The following ICA1 variants were observed in gnomAD, a reference collection of about 807,000 sequenced individuals.
ICA1 encodes the protein islet cell autoantigen 1.
In ICA1, 40 loss-of-function variants were observed where a neutral mutation model predicts 71.0. That is an observed-to-expected ratio of 0.56 (90% confidence interval 0.44 to 0.73). The LOEUF (loss-of-function observed/expected upper bound fraction) is 0.73, where lower values mean the gene tolerates loss of function less well. Ranked by LOEUF, ICA1 falls within the 30% of genes least tolerant of loss-of-function variation. The pLI is 0.00. For synonymous variants in ICA1, 207 were observed against 209.5 expected, an observed-to-expected ratio of 0.99 and a Z score of 0.10; for missense variants, 578 against 576.5, an observed-to-expected ratio of 1.00 and a Z score of -0.03.
rs1211129210 is a variant in ICA1, at chr7:8,208,788, T to C, written c.579+9517A>G. On this transcript the variant is annotated intron_variant, in intron 6 of 13. Coordinates refer to ENST00000402384, the MANE Select transcript of ICA1 (RefSeq NM_001136020.3). ...ACAGAGGCCAGCGGAACAGTCAGTG[T>C]TGGGTGGGGGTAGGGGGAGTTGTCA... Among the ~76,000 whole-genome samples the C allele has an allele frequency of 2.0e-5, 3 of 152,274 alleles. No individual in the cohort carries two copies. In the South Asian group the frequency reaches 6.2e-4, roughly 32 times the overall value.
intron 13 of ICA1, among the ~76,000 whole-genome samples, chr7:8,118,360 T>C (rs1239723451): frequency 2.6e-5 from 4 of 152,214 alleles, no homozygotes. Flanking sequence ...CAATCAAAAG[T>C]ACTAGGCTTG....
At position 8,223,761 on chromosome 7, in the gene ICA1, T is replaced by G. The variant is rs919643911; in HGVS notation, c.257-2363A>C. 6.6e-6 allele frequency among the ~76,000 whole-genome samples: 1 copy of G among 152,092 alleles called. No individual in the cohort carries two copies. The highest frequency in any genetic ancestry group is 6.6e-5 in the Admixed American group (1 of 15,246). On this transcript the variant is annotated intron_variant, in intron 4 of 13. Coordinates refer to ENST00000402384, the MANE Select transcript of ICA1 (RefSeq NM_001136020.3). The surrounding 1 kb of genome is among the most constrained non-coding windows in gnomAD (Gnocchi z 4.1). ...TGTGCAACATAGCAAGACCCCTGTC[T>G]CTATTACAAGAAGAAAGCAAAAACA...
intron 6 of ICA1, among the ~76,000 whole-genome samples, chr7:8,177,435 C>G (rs1780963207): frequency 6.6e-6 from 1 of 152,170 alleles, no homozygotes; most frequent in African/African-American, 2.4e-5. Flanking sequence ...CATTAGGTCA[C>G]AAGACTGAGC....
chr7:8,154,997 G>A lies in ICA1; in HGVS notation c.804+2119C>T, dbSNP rs115497890. On this transcript the variant is annotated intron_variant, in intron 8 of 13. Transcript: ENST00000402384. The stretch of plus-strand genomic sequence containing the variant: ...GACACTAAAAGTAATGGAAAAACCC[G>A]TAATTACTTTTGAACCAACCTGATA... 9.6e-3 allele frequency among the ~76,000 whole-genome samples: 1,459 copies of A among 152,202 alleles called. 10 individuals carry two copies. Among genetic ancestry groups the A allele is most frequent in the Middle Eastern group, 0.044 (13 of 294 alleles).
intron 6 of ICA1, among the ~76,000 whole-genome samples, chr7:8,172,736 T>C (rs1334409625): frequency 1.3e-5 from 2 of 152,192 alleles, no homozygotes; most frequent in African/African-American, 4.8e-5. Flanking sequence ...ATTTAGTACA[T>C]TCAATTTTCA....
chr7:8,214,249 C>T (rs1041247647), intron 6 of ICA1, among the ~76,000 whole-genome samples: 1 of 152,346 alleles, frequency 6.6e-6, no homozygotes, highest in Non-Finnish European at 1.5e-5. Context: ...GGAGGACTCT[C>T]TCAAGGGCAT....
rs1189926119 is a variant in ICA1 at position 8,173,893 on chromosome 7, A to T, written c.580-15241T>A. 6.6e-6 allele frequency among the ~76,000 whole-genome samples: 1 copy of T among 152,156 alleles called. No homozygotes were observed. The highest frequency in any genetic ancestry group is 1.5e-5 in the Non-Finnish European group (1 of 68,022). On this transcript the variant is annotated intron_variant, in intron 6 of 13. Transcript: ENST00000402384. The surrounding 1 kb of genome is among the most constrained non-coding windows in gnomAD (Gnocchi z 4.0). Reference sequence around the variant, plus strand: ...CAAAGTCTTTGCTTTCATGATGGTTATGTTGTAGTGGGTGAAACTGGACAA... The same window carrying T: ...CAAAGTCTTTGCTTTCATGATGGTTTTGTTGTAGTGGGTGAAACTGGACAA...
chr7:8,141,707 G>T, intron 10 of ICA1, 58 bp downstream of exon 10: 1 of 1,062,470 alleles, frequency 9.4e-7, no homozygotes, highest in Non-Finnish European at 1.4e-6. Context: ...AAAATGACTT[G>T]GCTGTTAAGC....
intron 13 of ICA1, among the ~76,000 whole-genome samples, chr7:8,121,093 G>A (rs987356457): frequency 2.0e-5 from 3 of 152,238 alleles, no homozygotes; most frequent in Non-Finnish European, 4.4e-5. Flanking sequence ...TCTTGTAGAT[G>A]AAACCAGGTA....
At chr7:8,211,396 C>T (rs953277024) in intron 6 of ICA1, among the ~76,000 whole-genome samples, 2 of 152,140 alleles carry the variant, frequency 1.3e-5, no homozygotes, top group African/African-American at 4.8e-5. Context: ...GGAGGCTTAG[C>T]GTGGTTAATG....
rs116492481 is a variant in ICA1 at position 8,146,627 on chromosome 7, T to G, written c.805-2655A>C. Reference sequence around the variant, plus strand: ...GGGGAAAATGATACAAAGGGCAGTGTCAGGACAAATGAGACAACTGGAATA... The same window carrying G: ...GGGGAAAATGATACAAAGGGCAGTGGCAGGACAAATGAGACAACTGGAATA... On this transcript the variant is annotated intron_variant, in intron 8 of 13. Coordinates refer to ENST00000402384, the MANE Select transcript of ICA1 (RefSeq NM_001136020.3). Among the ~76,000 whole-genome samples, 676 of 151,942 alleles carry G rather than the reference T, an allele frequency of 4.4e-3. 1 individual carries two copies. The highest frequency in any genetic ancestry group is 0.016 in the African/African-American group (653 of 41,440).
At chr7:8,146,734 TGC>T (rs1336866321) in intron 8 of ICA1, among the ~76,000 whole-genome samples, 378 of 36,612 alleles carry the variant, frequency 0.01, no homozygotes, top group East Asian at 0.026. Context: ...TGCGTGTGTG[TGC>T]GTGTGCGTGT....
chr7:8,208,509 T>C lies in ICA1; in HGVS notation c.579+9796A>G, dbSNP rs139634525. On this transcript the variant is annotated intron_variant, in intron 6 of 13. Coordinates refer to ENST00000402384, the MANE Select transcript of ICA1 (RefSeq NM_001136020.3). ...ACCAGGGTACAACTGTCTTCTTTTA[T>C]ACTGAAATCTAGAAGATGGTAAAAA... 6.8e-4 allele frequency among the ~76,000 whole-genome samples: 103 copies of C among 152,344 alleles called. 1 individual carries two copies. In the East Asian group the frequency reaches 0.019, roughly 28 times the overall value.
chr7:8,202,119 T>G (rs3823822), intron 6 of ICA1, among the ~76,000 whole-genome samples: 18,420 of 152,234 alleles, frequency 0.12, 1,195 homozygotes, highest in Middle Eastern at 0.18. Flanking sequence ...TTTGATTGAC[T>G]CAACATTTAA....
At chr7:8,148,084 G>A (rs1445857204) in intron 8 of ICA1, among the ~76,000 whole-genome samples, 4 of 152,134 alleles carry the variant, frequency 2.6e-5, no homozygotes, top group Admixed American at 6.5e-5. Flanking sequence ...CCTGTGTCCT[G>A]AGCTGCTGGG....
At chr7:8,216,825 T>A (rs7806154) in intron 6 of ICA1, among the ~76,000 whole-genome samples, 1 of 152,044 alleles carries the variant, frequency 6.6e-6, no homozygotes, top group African/African-American at 2.4e-5. Context: ...TTTCCTAACA[T>A]GGGTATCATT....
intron 1 of ICA1, among the ~76,000 whole-genome samples, chr7:8,250,375 T>C (rs1311916002): frequency 6.6e-6 from 1 of 152,222 alleles, no homozygotes; most frequent in East Asian, 1.9e-4. Context: ...AATCCTGTTC[T>C]CAAGTGGTTG....
chr7:8,138,354 C>T (rs1227415425), intron 12 of ICA1, among the ~76,000 whole-genome samples: 1 of 152,158 alleles, frequency 6.6e-6, no homozygotes, highest in Non-Finnish European at 1.5e-5. Flanking sequence ...AACTCATGAC[C>T]ATTTGACATA....
Position 8,234,951 on chromosome 7 carries a change from G to A in ICA1, c.17+959C>T, listed in dbSNP as rs913854570. On this transcript the variant is annotated intron_variant, in intron 2 of 13. Transcript: ENST00000402384. This position sits in a 1 kb window ranked among gnomAD's most constrained non-coding sequence, Gnocchi z 4.5. Reference sequence around the variant, plus strand: ...GAGGCTGAGGTGGGCAGATCATGAGGTCAAGAGATCGAGACCATCCTGGCC... The same window carrying A: ...GAGGCTGAGGTGGGCAGATCATGAGATCAAGAGATCGAGACCATCCTGGCC... Among the ~76,000 whole-genome samples the A allele has an allele frequency of 1.3e-5, 2 of 152,030 alleles. No homozygotes were observed. The highest frequency in any genetic ancestry group is 2.9e-5 in the Non-Finnish European group (2 of 68,004).
Sources: gnomAD v4.1 joint callset for allele counts (sites outside exome capture counted in the v4.1 genomes callset) on GRCh38, gnomAD v4.1.1 for gene constraint, Gnocchi (gnomAD v3.1) non-coding constraint, MANE v1.5 for transcripts, NCBI Gene and HGNC (gene_info 2026-07-23, HGNC 2026-07-21) for gene names.